The following QPRT variants were observed in gnomAD, a reference collection of about 807,000 sequenced individuals.
The protein encoded by QPRT is quinolinate phosphoribosyltransferase.
Under a neutral mutation model 19.8 loss-of-function variants are expected in QPRT, and 17 were observed. That is an observed-to-expected ratio of 0.86 (90% CI 0.59 to 1.29). The LOEUF (loss-of-function observed/expected upper bound fraction) is 1.29, where lower values mean the gene tolerates loss of function less well. Ranked by LOEUF, QPRT falls within the 50% of genes most tolerant of loss-of-function variation. The probability of loss-of-function intolerance (pLI) is 0.00; values close to 1 mark genes in which losing one functional copy is unlikely to be tolerated. For missense variants in QPRT, 336 were observed against 405.1 expected, an observed-to-expected ratio of 0.83 and a Z score of 1.46; for synonymous variants, 178 against 191.0, an observed-to-expected ratio of 0.93 and a Z score of 0.56.
chr16:29,689,197 A>C (rs950618158), intron 1 of QPRT, among the ~76,000 whole-genome samples: 77 of 144,430 alleles, frequency 5.3e-4, no homozygotes, highest in Middle Eastern at 8.6e-3. Flanking sequence ...TGGGTTCAAG[A>C]GATTCTCCTG....
rs1332072432 is a variant in QPRT, at chr16:29,695,500, T to G, written c.549+301T>G. Among the ~76,000 whole-genome samples the G allele has an allele frequency of 1.4e-5, 2 of 146,318 alleles. 1 individual carries two copies. The highest frequency in any genetic ancestry group is 5.1e-5 in the African/African-American group (2 of 39,594). On this transcript the variant is annotated intron_variant, in intron 2 of 3. Coordinates refer to ENST00000395384, the MANE Select transcript of QPRT (RefSeq NM_014298.6). The stretch of plus-strand genomic sequence containing the variant: ...TAATTTTTGCTTTTTTTTTTTTTTT[T>G]TTTTTTTGAGATGGAGTCTCACTCT...
intron 1 of QPRT, among the ~76,000 whole-genome samples, chr16:29,690,924 C>T (rs560643049): frequency 1.5e-4 from 23 of 152,122 alleles, no homozygotes; most frequent in African/African-American, 5.5e-4. Flanking sequence ...CTCCTGACCT[C>T]GTGATCTGCC....
intron 1 of QPRT, among the ~76,000 whole-genome samples, chr16:29,686,642 C>T (rs1967170204): frequency 6.6e-6 from 1 of 152,094 alleles, no homozygotes; most frequent in African/African-American, 2.4e-5. Context: ...ATTACAGGCG[C>T]TCGGCTTTTT....
chr16:29,679,375 C>T (rs1397662448), intron 1 of QPRT, among the ~76,000 whole-genome samples, 165 bp downstream of exon 1: 3 of 152,154 alleles, frequency 2.0e-5, no homozygotes, highest in Non-Finnish European at 4.4e-5. Context: ...CAGCCTTGCT[C>T]AACCCCCAGA....
intron 2 of QPRT, chr16:29,696,310 C>G (rs1442433761): frequency 6.6e-6 from 1 of 151,126 alleles, no homozygotes; most frequent in Non-Finnish European, 1.5e-5. Context: ...GGCCATATAG[C>G]AAGATTCTGT....
intron 1 of QPRT, among the ~76,000 whole-genome samples, chr16:29,688,250 G>A (rs1967219435): frequency 6.6e-6 from 1 of 152,042 alleles, no homozygotes; most frequent in Admixed American, 6.6e-5. Flanking sequence ...CAACCTAAAG[G>A]GATTCTTGCT....
At position 29,695,019 on chromosome 16, in the gene QPRT, G is replaced by C; in HGVS notation, c.369G>C (p.Glu123Asp). 6.2e-7 allele frequency: 1 copy of C among 1,605,006 alleles called. No homozygotes were observed. The highest frequency in any genetic ancestry group is 8.5e-7 in the Non-Finnish European group (1 of 1,179,130). The change falls in exon 2 of 4, where the codon GAG becomes GAC. Residue 123 changes from glutamate to aspartate, a missense_variant. Coordinates refer to ENST00000395384, the MANE Select transcript of QPRT (RefSeq NM_014298.6). ...GIASAAAAAV[E>D]AARGAGWTGH... Reference sequence around the variant, plus strand: ...CCAGTGCTGCCGCCGCTGCAGTGGAGGCCGCCAGGGGGGCCGGCTGGACTG... The same window carrying C: ...CCAGTGCTGCCGCCGCTGCAGTGGACGCCGCCAGGGGGGCCGGCTGGACTG...
At chr16:29,687,175 C>G (rs369874340) in intron 1 of QPRT, among the ~76,000 whole-genome samples, 2 of 152,128 alleles carry the variant, frequency 1.3e-5, no homozygotes, top group Non-Finnish European at 2.9e-5. Context: ...AGATCCTGGT[C>G]CCTCTGTGCT....
At chr16:29,687,223 T>C (rs924959876) in intron 1 of QPRT, among the ~76,000 whole-genome samples, 3 of 152,188 alleles carry the variant, frequency 2.0e-5, no homozygotes, top group Non-Finnish European at 2.9e-5. Flanking sequence ...TACGGCTGTT[T>C]CCTCTCGATG....
At chr16:29,686,641 G>A (rs1007217471) in intron 1 of QPRT, among the ~76,000 whole-genome samples, 3 of 152,034 alleles carry the variant, frequency 2.0e-5, no homozygotes, top group Admixed American at 1.3e-4. Flanking sequence ...GATTACAGGC[G>A]CTCGGCTTTT....
chr16:29,695,115 CGG>C lies in QPRT; in HGVS notation c.468_469del (p.Ala157ArgfsTer16). ...LVEKYGLLVGGAASHRYDLGG... is the reference protein window; with the variant it reads ...LVEKYGLLVGXAASHRYDLGG... ...TGGAGAAGTATGGGCTCCTGGTGGG[CGG>C]GGCCGCCTCGCACCGCTACGACCTG... On this transcript the variant is annotated frameshift_variant, in exon 2 of 4. Coordinates refer to ENST00000395384, the MANE Select transcript of QPRT (RefSeq NM_014298.6). LOFTEE classifies it high-confidence loss of function. 1 of 1,597,478 alleles carries C rather than the reference CGG, an allele frequency of 6.3e-7. No homozygotes were observed. Among genetic ancestry groups the C allele is most frequent in the East Asian group, 2.3e-5 (1 of 44,340 alleles).
intron 1 of QPRT, among the ~76,000 whole-genome samples, chr16:29,685,789 C>T (rs1422370851): frequency 1.3e-5 from 2 of 152,032 alleles, no homozygotes; most frequent in African/African-American, 4.8e-5. Context: ...TGCTTGAGCC[C>T]AGGAGTTCAA....
intron 1 of QPRT, among the ~76,000 whole-genome samples, chr16:29,692,671 T>C (rs1596795422): frequency 6.6e-6 from 1 of 152,178 alleles, no homozygotes; most frequent in Non-Finnish European, 1.5e-5. Context: ...CTAGATGCGG[T>C]GGCTGACGCC....
chr16:29,683,343 T>G (rs1282321843), intron 1 of QPRT, among the ~76,000 whole-genome samples: 2 of 151,730 alleles, frequency 1.3e-5, no homozygotes, highest in South Asian at 4.2e-4. Flanking sequence ...TGTGGTCTTA[T>G]GAGAGCATTG....
Position 29,691,090 on chromosome 16 carries a change from C to T in QPRT, c.14-3574C>T, listed in dbSNP as rs141247461. 3.3e-3 allele frequency among the ~76,000 whole-genome samples: 499 copies of T among 151,722 alleles called. 4 individuals carry two copies. The highest frequency in any genetic ancestry group is 0.011 in the African/African-American group (460 of 41,398). ...AAAGAAAAAAATCAGTCTGGCCAGG[C>T]ACGGTGGCTCACGCCTGTAATCCCA... On this transcript the variant is annotated intron_variant, in intron 1 of 3. Transcript: ENST00000395384.
intron 1 of QPRT, among the ~76,000 whole-genome samples, chr16:29,685,849 TAAAATAA>T (rs1967145336): frequency 1.3e-5 from 2 of 150,922 alleles, no homozygotes. Context: ...TTAAAAATAA[TAAAATAA>T]AATGAAAAGA....
intron 1 of QPRT, among the ~76,000 whole-genome samples, chr16:29,680,044 G>T (rs1363186262): frequency 6.8e-6 from 1 of 147,166 alleles, no homozygotes; most frequent in Non-Finnish European, 1.5e-5. Context: ...TGCAAGCTCC[G>T]CCTCCCGGGT....
chr16:29,690,708 G>A (rs1015518988), intron 1 of QPRT, among the ~76,000 whole-genome samples: 1 of 151,918 alleles, frequency 6.6e-6, no homozygotes, highest in African/African-American at 2.4e-5. Context: ...TTCTTTTTTT[G>A]AGATGGATTC....
intron 1 of QPRT, among the ~76,000 whole-genome samples, chr16:29,680,928 G>A (rs1039508561): frequency 5.3e-5 from 8 of 151,936 alleles, no homozygotes; most frequent in Non-Finnish European, 1.2e-4. Context: ...GCGACAGAGC[G>A]AGACTCCATC....
Sources: allele counts gnomAD v4.1 joint callset (sites outside exome capture counted in the v4.1 genomes callset), GRCh38; gene constraint gnomAD v4.1.1; transcripts MANE v1.5; gene names NCBI Gene and HGNC (gene_info 2026-07-23, HGNC 2026-07-21).